FRAS1: variants seen among roughly 807,000 people sequenced by gnomAD.
FRAS1 encodes the protein extracellular matrix organizing protein FRAS1.
Under a neutral mutation model 435.2 loss-of-function variants are expected in FRAS1, and 290 were observed. That is an observed-to-expected ratio of 0.67 (90% confidence interval 0.61 to 0.73). FRAS1 has a LOEUF of 0.73. Ranked by LOEUF, FRAS1 falls within the 30% of genes least tolerant of loss-of-function variation. FRAS1 has a pLI of 0.00. For missense variants in FRAS1, 4,860 were observed against 5,001.5 expected (o/e 0.97, Z 0.85); for synonymous variants, 1,800 against 1,851.0 (o/e 0.97, Z 0.71).
chr4:78,176,479 T>C (rs1241314956), intron 2 of FRAS1, among the ~76,000 whole-genome samples: 1 of 152,242 alleles, frequency 6.6e-6, no homozygotes, highest in Non-Finnish European at 1.5e-5. Context: ...GTTCTGATTT[T>C]TCCCTGAAGA....
intron 42 of FRAS1, chr4:78,446,155 C>G: frequency 9.9e-7 from 1 of 1,008,532 alleles, no homozygotes; most frequent in Non-Finnish European, 1.2e-6. Flanking sequence ...ACTACACAGG[C>G]TTGCTCTACC....
In FRAS1 at chr4:78,400,824, G is replaced by A. The variant is rs555435662; in HGVS notation, c.4066G>A (p.Glu1356Lys). The A allele has an allele frequency of 8.1e-6, 13 of 1,613,706 alleles. No individual in the cohort carries two copies. The highest frequency in any genetic ancestry group is 5.5e-5 in the South Asian group (5 of 91,022). ...GATCACCAACAGAATCTTACAGGCC[G>A]AGGCTCCTGGTGCCAGTGCTGAAGA... ...LQITNRILQA[E>K]APGASAEEII... The change falls in exon 30 of 74, where the codon GAG (glutamate) becomes AAG (lysine). Residue 1356 changes from glutamate to lysine, a missense_variant. Physicochemically the swap from Glu to Lys is moderately conservative, Grantham distance 56. Coordinates refer to ENST00000512123, the MANE Select transcript of FRAS1 (RefSeq NM_025074.7).
At chr4:78,365,515 T>A (rs759622150) in intron 22 of FRAS1, among the ~76,000 whole-genome samples, 8 of 152,142 alleles carry the variant, frequency 5.3e-5, no homozygotes. Flanking sequence ...GTATGAAGTA[T>A]AGGTGACAAA....
intron 47 of FRAS1, 43 bp downstream of exon 47, chr4:78,452,397 C>T (rs768660938): frequency 1.3e-6 from 2 of 1,486,104 alleles, no homozygotes; most frequent in African/African-American, 2.8e-5. Flanking sequence ...AAACTTAGAC[C>T]TTAGTAAGTA....
At chr4:78,482,685 T>C (rs891242620) in intron 58 of FRAS1, 150 bp downstream of exon 58, 18 of 770,412 alleles carry the variant, frequency 2.3e-5, no homozygotes, top group Admixed American at 2.0e-4. Flanking sequence ...CACTTTTACA[T>C]AGCAGAGTAT....
chr4:78,193,486 T>C (rs1722647812), intron 2 of FRAS1, among the ~76,000 whole-genome samples: 1 of 152,232 alleles, frequency 6.6e-6, no homozygotes, highest in Non-Finnish European at 1.5e-5. Context: ...TTAGGATAAT[T>C]AGCTCTGCTT....
At chr4:78,117,704 A>G (rs1194854709) in intron 2 of FRAS1, among the ~76,000 whole-genome samples, 1 of 152,072 alleles carries the variant, frequency 6.6e-6, no homozygotes, top group Non-Finnish European at 1.5e-5. Context: ...ATTTCTCTGC[A>G]TTGGTTATTC....
intron 70 of FRAS1, among the ~76,000 whole-genome samples, chr4:78,531,146 T>C (rs1721698799): frequency 6.6e-6 from 1 of 152,236 alleles, no homozygotes; most frequent in African/African-American, 2.4e-5. Context: ...TGTTTGTCTG[T>C]TACTGTTGTA....
intron 2 of FRAS1, among the ~76,000 whole-genome samples, chr4:78,074,262 G>A (rs1341940374): frequency 2.0e-5 from 3 of 152,118 alleles, no homozygotes; most frequent in South Asian, 2.1e-4. Flanking sequence ...TAGTGAGCAG[G>A]AGGGAATTAT....
intron 35 of FRAS1, 99 bp from the exon 36 acceptor site, chr4:78,428,996 C>A: frequency 1.6e-6 from 2 of 1,279,072 alleles, no homozygotes; most frequent in South Asian, 1.4e-5. Context: ...GTGGAAACTG[C>A]CTGAAGAGGA....
rs1454918827 is a variant in FRAS1 at position 78,400,827 on chromosome 4, G to T, written c.4069G>T (p.Ala1357Ser). The T allele has an allele frequency of 6.2e-7, 1 of 1,613,650 alleles. No individual in the cohort carries two copies. Among genetic ancestry groups the T allele is most frequent in the Non-Finnish European group, 8.5e-7 (1 of 1,179,796 alleles). ...CACCAACAGAATCTTACAGGCCGAG[G>T]CTCCTGGTGCCAGTGCTGAAGAAAT... ...QITNRILQAE[A>S]PGASAEEIIY... The change falls in exon 30 of 74, where the codon GCT (alanine) becomes TCT (serine). Residue 1357 changes from alanine to serine, a missense_variant. Physicochemically the swap from Ala to Ser is moderately conservative, Grantham distance 99. Coordinates refer to ENST00000512123, the MANE Select transcript of FRAS1 (RefSeq NM_025074.7).
Position 78,308,103 on chromosome 4 carries a change from G to A in FRAS1, c.1572G>A (p.Thr524=), listed in dbSNP as rs770723877. The change falls in exon 15 of 74, where the codon ACG becomes ACA. Residue 524 remains threonine (T), a synonymous_variant. Transcript: ENST00000512123. Reference sequence around the variant, plus strand: ...CCTGTGCAGGTTGCTGGGGCCCAACGGAGAAGCACTGCTTGGCCTGCAGAG... The same window carrying A: ...CCTGTGCAGGTTGCTGGGGCCCAACAGAGAAGCACTGCTTGGCCTGCAGAG... ...HESCAGCWGP[T]EKHCLACRDP... is the part of the protein sequence containing the mutation. 1.1e-5 allele frequency: 18 copies of A among 1,613,586 alleles called. No individual in the cohort carries two copies. Among genetic ancestry groups the A allele is most frequent in the African/African-American group, 4.0e-5 (3 of 74,908 alleles).
chr4:78,083,345 AC>A (rs958529950), intron 2 of FRAS1, among the ~76,000 whole-genome samples: 1 of 152,100 alleles, frequency 6.6e-6, no homozygotes, highest in Non-Finnish European at 1.5e-5. Context: ...ATTCTCAAAA[AC>A]AGATCTGGGA....
chr4:78,367,092 C>A (rs4859926), intron 22 of FRAS1, among the ~76,000 whole-genome samples: 25,514 of 152,016 alleles, frequency 0.17, 2,741 homozygotes, highest in East Asian at 0.33. Flanking sequence ...CACGGTTCCA[C>A]GGGGGAATGA....
At chr4:78,405,756 T>G (rs748640259) in intron 30 of FRAS1, among the ~76,000 whole-genome samples, 2 of 152,254 alleles carry the variant, frequency 1.3e-5, no homozygotes, top group Non-Finnish European at 2.9e-5. Flanking sequence ...TCCCTCTTCC[T>G]CACCCTCTCC....
At position 78,379,957 on chromosome 4, in the gene FRAS1, A is replaced by G; in HGVS notation, c.3524A>G (p.Glu1175Gly). ...AGRFSWKDVN[E>G]KKVRFVHSKE... The stretch of plus-strand genomic sequence containing the variant: ...CGTTTTAGCTGGAAAGATGTGAACG[A>G]GAAGAAAGTGCGTTTTGTGCACAGC... The change falls in exon 27 of 74, where the codon GAG becomes GGG. Residue 1175 changes from glutamate to glycine, a missense_variant. Glu to Gly is a moderately conservative substitution (Grantham distance 98, BLOSUM62 -2). Coordinates refer to ENST00000512123, the MANE Select transcript of FRAS1 (RefSeq NM_025074.7). The G allele has an allele frequency of 6.2e-7, 1 of 1,613,714 alleles. No homozygotes were observed. The highest frequency in any genetic ancestry group is 8.5e-7 in the Non-Finnish European group (1 of 1,179,814).
At chr4:78,125,998 G>T (rs529884639) in intron 2 of FRAS1, among the ~76,000 whole-genome samples, 7 of 152,346 alleles carry the variant, frequency 4.6e-5, no homozygotes, top group African/African-American at 1.7e-4. Flanking sequence ...GTGGAATCTG[G>T]ACAGGCAGTA....
intron 46 of FRAS1, 132 bp from the exon 47 acceptor site, chr4:78,452,043 T>C (rs1719042479): frequency 1.3e-5 from 16 of 1,242,790 alleles, no homozygotes; most frequent in Non-Finnish European, 1.8e-5. Context: ...CACGAAGCCC[T>C]GGCTCCTTGG....
intron 2 of FRAS1, among the ~76,000 whole-genome samples, chr4:78,235,669 C>T (rs1451355913): frequency 6.6e-6 from 1 of 152,214 alleles, no homozygotes; most frequent in Non-Finnish European, 1.5e-5. Flanking sequence ...TGTGACAGAG[C>T]CAGGCTCAGT....
Sources: allele counts gnomAD v4.1 joint callset (sites outside exome capture counted in the v4.1 genomes callset), GRCh38; gene constraint gnomAD v4.1.1; transcripts MANE v1.5; gene names NCBI Gene and HGNC (gene_info 2026-07-23, HGNC 2026-07-21).